NINL: variants seen among roughly 807,000 people sequenced by gnomAD.
NINL encodes ninein like, also known as ninein-like protein.
A neutral mutation model predicts 160.3 loss-of-function variants in NINL; 153 were observed. That is an observed-to-expected ratio of 0.95 (90% CI 0.84 to 1.09). The LOEUF (loss-of-function observed/expected upper bound fraction) is 1.09. NINL is among the 50% of genes least tolerant of loss of function. The pLI is 0.00. For missense variants in NINL, 1,829 were observed against 1,764.0 expected, an observed-to-expected ratio of 1.04 and a Z score of -0.66; for synonymous variants, 800 against 734.8, an observed-to-expected ratio of 1.09 and a Z score of -1.43.
intron 1 of NINL, among the ~76,000 whole-genome samples, chr20:25,561,085 G>C (rs1052934460): frequency 8.8e-5 from 5 of 57,064 alleles, no homozygotes; most frequent in Admixed American, 2.3e-4. Flanking sequence ...CTCTCATGCC[G>C]AGCCGAAGCT....
chr20:25,478,889 CCA>C, intron 16 of NINL, 32 bp downstream of exon 16: 3 of 1,484,070 alleles, frequency 2.0e-6, no homozygotes, highest in Non-Finnish European at 8.9e-7. Flanking sequence ...GCAAGAAACC[CCA>C]GACTTGAAAT....
intron 1 of NINL, among the ~76,000 whole-genome samples, chr20:25,580,300 C>T (rs1399976564): frequency 6.6e-6 from 1 of 151,552 alleles, no homozygotes; most frequent in Non-Finnish European, 1.5e-5. Context: ...CGCCATGGCA[C>T]TCCAGCCTGG....
At chr20:25,526,628 T>G (rs1350522448) in intron 1 of NINL, 30 bp from the exon 2 acceptor site, 2 of 1,591,980 alleles carry the variant, frequency 1.3e-6, no homozygotes, top group Non-Finnish European at 1.7e-6. Flanking sequence ...GAAGAAAACA[T>G]CAGGACACTT....
At chr20:25,488,199 G>A (rs909135954) in intron 13 of NINL, among the ~76,000 whole-genome samples, 1 of 152,176 alleles carries the variant, frequency 6.6e-6, no homozygotes, top group Non-Finnish European at 1.5e-5. Flanking sequence ...GTGGCACGCC[G>A]AGGTGTGAAG....
chr20:25,568,970 C>T (rs960974869), intron 1 of NINL, among the ~76,000 whole-genome samples: 8 of 151,412 alleles, frequency 5.3e-5, no homozygotes, highest in Non-Finnish European at 1.0e-4. Flanking sequence ...TGGCTCACAC[C>T]TGTAATCCCA....
In NINL at chr20:25,504,043, T is replaced by A; in HGVS notation, c.770A>T (p.Glu257Val). 4 of 1,610,130 alleles carry A rather than the reference T, an allele frequency of 2.5e-6. No homozygotes were observed. The highest frequency in any genetic ancestry group is 3.4e-6 in the Non-Finnish European group (4 of 1,178,616). Residue 257 changes from glutamate (E) to valine (V), a missense_variant, in exon 7 of 24, where the codon GAA becomes GTA. Physicochemically the swap from Glu to Val is moderately radical, Grantham distance 121. Transcript: ENST00000278886. ...QDGDGKVSLE[E>V]FQLGLFSHEP... ...ATGACTGAAGAGGCCAAGCTGGAAT[T>A]CCTCAAGACTCACTTTGCCGTCTCC...
chr20:25,472,388 C>T (rs575960495), intron 17 of NINL, among the ~76,000 whole-genome samples: 18 of 122,592 alleles, frequency 1.5e-4, no homozygotes, highest in Admixed American at 1.9e-4. Context: ...GTTTTTGAGA[C>T]GGAGTTTTGC....
rs45625635 is a variant in NINL, at chr20:25,491,426, G to A, written c.1410C>T (p.Ala470=). 4.2e-5 allele frequency: 67 copies of A among 1,613,612 alleles called. No individual in the cohort carries two copies. The Middle Eastern group carries it at 6.6e-4, about 16-fold the overall frequency. The change falls in exon 11 of 24, where the codon GCC becomes GCT. Residue 470 remains alanine, a synonymous_variant. Transcript: ENST00000278886. ...GGCGCCCCACGTCCCACTCCAGCGC[G>A]GCCCTCTGCCTGTGGGCCTGCTCCC... ...LFWEQAHRQR[A]ALEWDVGRLQ...
chr20:25,461,089 C>T (rs911869835), intron 21 of NINL, among the ~76,000 whole-genome samples: 5 of 152,204 alleles, frequency 3.3e-5, no homozygotes, highest in East Asian at 1.9e-4. Flanking sequence ...CTGCACCTCC[C>T]GCGCCTCTCA....
At chr20:25,501,599 T>C (rs989498481) in intron 7 of NINL, among the ~76,000 whole-genome samples, 9 of 152,304 alleles carry the variant, frequency 5.9e-5, no homozygotes, top group Non-Finnish European at 8.8e-5. Context: ...ACACTAAGCA[T>C]GACCTGTGGG....
In NINL at chr20:25,504,076, T is replaced by A; in HGVS notation, c.737A>T (p.Asp246Val). The A allele has an allele frequency of 6.3e-7, 1 of 1,594,788 alleles. No individual in the cohort carries two copies. Among genetic ancestry groups the A allele is most frequent in the Non-Finnish European group, 8.5e-7 (1 of 1,171,650 alleles). ...EELEDLFNKL[D>V]QDGDGKVSLE... The stretch of plus-strand genomic sequence containing the variant: ...ACTCACTTTGCCGTCTCCGTCTTGA[T>A]CCAGTTTGTTAAACAGGTCTTCGAG... The change falls in exon 7 of 24, where the codon GAT becomes GTT. Residue 246 changes from aspartate to valine, a missense_variant. Transcript: ENST00000278886.
intron 16 of NINL, among the ~76,000 whole-genome samples, chr20:25,477,709 C>A (rs890405111): frequency 6.6e-6 from 1 of 152,156 alleles, no homozygotes; most frequent in Non-Finnish European, 1.5e-5. Context: ...CCCTGCAGAG[C>A]GGGGACAGCA....
At chr20:25,459,389 C>CTGTAAAGGT (rs2090778412) in intron 21 of NINL, among the ~76,000 whole-genome samples, 1 of 152,194 alleles carries the variant, frequency 6.6e-6, no homozygotes, top group Non-Finnish European at 1.5e-5. Flanking sequence ...GTAAAGCTCA[C>CTGTAAAGGT]CCTTCTTCAG....
At chr20:25,529,913 G>C (rs1423995417) in intron 1 of NINL, among the ~76,000 whole-genome samples, 1 of 152,166 alleles carries the variant, frequency 6.6e-6, no homozygotes, top group Non-Finnish European at 1.5e-5. Context: ...GCAAGGAATG[G>C]GGACAGAGGG....
chr20:25,460,141 A>C (rs1406008339), intron 21 of NINL, among the ~76,000 whole-genome samples: 1 of 152,010 alleles, frequency 6.6e-6, no homozygotes, highest in African/African-American at 2.4e-5. Flanking sequence ...TTCCTCCTGA[A>C]CCACACATGG....
At chr20:25,468,857 C>A (rs1234862921) in intron 18 of NINL, among the ~76,000 whole-genome samples, 3 of 142,170 alleles carry the variant, frequency 2.1e-5, no homozygotes, top group East Asian at 4.4e-4. Context: ...CGCCCCACCG[C>A]CCTGTCCCCC....
chr20:25,530,284 AATAAGT>A (rs1353352913), intron 1 of NINL, among the ~76,000 whole-genome samples: 3 of 152,174 alleles, frequency 2.0e-5, no homozygotes, highest in Admixed American at 6.5e-5. Flanking sequence ...ACATAAGTAT[AATAAGT>A]ATAACACTGA....
chr20:25,464,202 A>T (rs2062856315), intron 19 of NINL, among the ~76,000 whole-genome samples: 1 of 152,202 alleles, frequency 6.6e-6, no homozygotes, highest in African/African-American at 2.4e-5. Context: ...GGATCACCTG[A>T]GGTCAGGAGT....
chr20:25,544,840 T>A (rs943835300), intron 1 of NINL, among the ~76,000 whole-genome samples: 8 of 152,232 alleles, frequency 5.3e-5, no homozygotes, highest in African/African-American at 1.9e-4. Context: ...TTTTACTTGG[T>A]CTAATCATTG....
Sources: allele counts gnomAD v4.1 joint callset (sites outside exome capture counted in the v4.1 genomes callset), GRCh38; gene constraint gnomAD v4.1.1; transcripts MANE v1.5; gene names NCBI Gene and HGNC (gene_info 2026-07-23, HGNC 2026-07-21).